The following MAN2B2 variants were observed in gnomAD, a reference collection of about 807,000 sequenced individuals.
MAN2B2 encodes mannosidase alpha class 2B member 2.
MAN2B2 carries 106 observed loss-of-function variants against 117.1 expected under a neutral mutation model. That is an observed-to-expected ratio of 0.90 (90% CI 0.77 to 1.06). MAN2B2 has a LOEUF of 1.06. Among genes scored for constraint, MAN2B2 ranks in the 50% least tolerant of loss-of-function variants. The pLI, the probability that MAN2B2 is intolerant of heterozygous loss-of-function variation, is 0.00. For synonymous variants in MAN2B2, 544 were observed against 595.1 expected, an observed-to-expected ratio of 0.91 and a Z score of 1.25; for missense variants, 1,326 against 1,381.4, an observed-to-expected ratio of 0.96 and a Z score of 0.64.
In MAN2B2 at chr4:6,604,422, G is replaced by A. The variant is rs540194107; in HGVS notation, c.1540-633G>A. 1.5e-3 allele frequency among the ~76,000 whole-genome samples: 231 copies of A among 151,666 alleles called. 2 individuals carry two copies. The highest frequency in any genetic ancestry group is 4.6e-3 in the African/African-American group (189 of 41,280). On this transcript the variant is annotated intron_variant, in intron 10 of 18. Coordinates refer to ENST00000285599, the MANE Select transcript of MAN2B2 (RefSeq NM_015274.3). ...GGGAGATGAAAGGCCTCAAGAAGGC[G>A]GTGGGGGGCCTTGGTGGTGGGTGGG... is the stretch of plus-strand genomic sequence containing the variant.
chr4:6,594,818 G>A (rs1300333666), intron 7 of MAN2B2, 86 bp downstream of exon 7: 21 of 1,398,086 alleles, frequency 1.5e-5, no homozygotes, highest in African/African-American at 7.1e-5. Flanking sequence ...GTGGCTGCTC[G>A]GCACTGCTCT....
chr4:6,583,987 C>T (rs375683086), intron 3 of MAN2B2, among the ~76,000 whole-genome samples: 3 of 152,334 alleles, frequency 2.0e-5, no homozygotes, highest in East Asian at 3.9e-4. Flanking sequence ...GCCATTTTGT[C>T]TCTTAATGCA....
At chr4:6,594,403 G>C (rs1280082057) in intron 6 of MAN2B2, 131 bp from the exon 7 acceptor site, 1 of 762,110 alleles carries the variant, frequency 1.3e-6, no homozygotes, top group Non-Finnish European at 2.2e-6. Context: ...TGCTATGGGA[G>C]CTGGTTTGGG....
rs756133404 is a variant in MAN2B2 at position 6,597,138 on chromosome 4, C to G, written c.1083C>G (p.Phe361Leu). Residue 361 changes from phenylalanine to leucine, a missense_variant, in exon 8 of 19, where the codon TTC (phenylalanine) becomes TTG (leucine). Phe to Leu is a conservative substitution (Grantham distance 22). Coordinates refer to ENST00000285599, the MANE Select transcript of MAN2B2 (RefSeq NM_015274.3). ...AACCATTCCAGGCCTGGACGGGCTT[C>G]TACACGTCCCGCAGCTCACTGAAGG... ...STEPFQAWTGFYTSRSSLKGL... is the reference protein window; with the variant it reads ...STEPFQAWTGLYTSRSSLKGL... 2 of 1,613,366 alleles carry G rather than the reference C, an allele frequency of 1.2e-6. No individual in the cohort carries two copies. The highest frequency in any genetic ancestry group is 1.7e-5 in the Admixed American group (1 of 59,958).
intron 3 of MAN2B2, among the ~76,000 whole-genome samples, chr4:6,582,580 T>C (rs986850692): frequency 2.0e-5 from 3 of 151,746 alleles, no homozygotes; most frequent in African/African-American, 7.3e-5. Context: ...CCTCAAGTGA[T>C]CCGCCCACCT....
intron 11 of MAN2B2, among the ~76,000 whole-genome samples, chr4:6,605,600 T>C (rs1335152238): frequency 2.0e-5 from 3 of 151,532 alleles, no homozygotes; most frequent in Non-Finnish European, 4.4e-5. Flanking sequence ...AAATTACCAC[T>C]TTTTTTTTAA....
intron 2 of MAN2B2, among the ~76,000 whole-genome samples, chr4:6,577,593 A>G (rs1726115153): frequency 6.6e-6 from 1 of 152,230 alleles, no homozygotes; most frequent in Admixed American, 6.5e-5. Flanking sequence ...CAGAGAGGGC[A>G]CGCCACTGGC....
chr4:6,603,137 G>A (rs1040201329), intron 10 of MAN2B2, among the ~76,000 whole-genome samples: 1 of 152,192 alleles, frequency 6.6e-6, no homozygotes, highest in African/African-American at 2.4e-5. Flanking sequence ...TCTTAAAGGG[G>A]TGCTTTAATG....
rs552265383 is a variant in MAN2B2 at position 6,623,339 on chromosome 4, T to C, written c.*2054T>C. On this transcript the variant is annotated 3_prime_UTR_variant, in exon 19 of 19. Transcript: ENST00000285599. ...CCAGCCTGGGTGACAAGAGTGAGAC[T>C]CCGTCTCAAAAAAAAAAAAAAAAGG... 3.3e-5 allele frequency: 2 copies of C among 60,424 alleles called. No individual in the cohort carries two copies. The highest frequency in any genetic ancestry group is 4.8e-4 in the East Asian group (1 of 2,084). 3.7% of individuals were successfully genotyped at this position (60,424 alleles called of 1,614,324 possible).
In MAN2B2 at chr4:6,605,109, A is replaced by G. The variant is rs1392830940; in HGVS notation, c.1594A>G (p.Ile532Val). ...SAYDLLILTT[I>V]PGLSYRHYNI... ...GTATGACCTGCTTATTCTGACCACA[A>G]TCCCAGGCCTCAGTTACCGGCACTA... Residue 532 changes from isoleucine (I) to valine (V), a missense_variant, in exon 11 of 19, where the codon ATC becomes GTC. Ile to Val is a conservative substitution (Grantham distance 29). Coordinates refer to ENST00000285599, the MANE Select transcript of MAN2B2 (RefSeq NM_015274.3). The G allele has an allele frequency of 1.9e-6, 3 of 1,614,050 alleles. No homozygotes were observed. The South Asian group carries it at 3.3e-5, about 18-fold the overall frequency.
chr4:6,608,043 G>A (rs1412871703), intron 11 of MAN2B2, among the ~76,000 whole-genome samples: 1 of 152,212 alleles, frequency 6.6e-6, no homozygotes, highest in Non-Finnish European at 1.5e-5. Context: ...GTGGTGAGAT[G>A]TGTCTTTAGA....
chr4:6,580,786 T>C (rs56380344), intron 3 of MAN2B2, among the ~76,000 whole-genome samples: 2,895 of 152,276 alleles, frequency 0.019, 91 homozygotes, highest in African/African-American at 0.066. Context: ...GGCGCTGAAC[T>C]GCCCTGCCCT....
intron 10 of MAN2B2, among the ~76,000 whole-genome samples, chr4:6,604,580 A>T (rs1350907663): frequency 6.6e-6 from 1 of 151,930 alleles, no homozygotes; most frequent in Non-Finnish European, 1.5e-5. Context: ...AGGTGCTGGA[A>T]GGGCCATCGT....
At chr4:6,585,399 G>C (rs765149394) in intron 3 of MAN2B2, among the ~76,000 whole-genome samples, 1 of 152,208 alleles carries the variant, frequency 6.6e-6, no homozygotes, top group Non-Finnish European at 1.5e-5. Context: ...ATCTCTCAAG[G>C]TGTTAGAAAG....
At chr4:6,592,277 C>A (rs1726888424) in intron 5 of MAN2B2, among the ~76,000 whole-genome samples, 1 of 152,176 alleles carries the variant, frequency 6.6e-6, no homozygotes, top group Non-Finnish European at 1.5e-5. Flanking sequence ...AAATGACTTT[C>A]ATTTAATCCT....
In MAN2B2 at chr4:6,609,876, G is replaced by A. The variant is rs1300029497; in HGVS notation, c.2085G>A (p.Leu695=). 1 of 1,614,008 alleles carries A rather than the reference G, an allele frequency of 6.2e-7. No homozygotes were observed. The highest frequency in any genetic ancestry group is 8.5e-7 in the Non-Finnish European group (1 of 1,180,032). The change falls in exon 13 of 19, where the codon CTG becomes CTA. Residue 695 remains leucine (L), a synonymous_variant. Transcript: ENST00000285599. ...TGCCGCAGGGCCATGACGGGGAGCT[G>A]CTCTGCCACCGGATAGAGCAGGAGT... The part of the protein sequence containing the change: ...THVPQGHDGE[L]LCHRIEQEYQ...
intron 11 of MAN2B2, among the ~76,000 whole-genome samples, chr4:6,605,916 CA>C (rs1727527762): frequency 4.5e-5 from 2 of 44,308 alleles, no homozygotes; most frequent in East Asian, 2.6e-3. Flanking sequence ...ACCACCCATT[CA>C]TTCATTCATT....
Position 6,610,045 on chromosome 4 carries a change from GC to G in MAN2B2, c.2257del (p.Arg753GlyfsTer59). The stretch of plus-strand genomic sequence containing the variant: ...CGTTTCCTATGTGAACAACAGCATC[GC>G]CCGGGTATGTCCTGCAATGCCCACA... ...PYVSYVNNSI[A>X]RNYYPMVQSA... On this transcript the variant is annotated frameshift_variant, in exon 13 of 19. Transcript: ENST00000285599. LOFTEE classifies it high-confidence loss of function. The G allele has an allele frequency of 6.2e-7, 1 of 1,613,978 alleles. No homozygotes were observed. Among genetic ancestry groups the G allele is most frequent in the East Asian group, 2.2e-5 (1 of 44,870 alleles).
chr4:6,618,491 G>A (rs751601922), intron 17 of MAN2B2: 3 of 152,258 alleles, frequency 2.0e-5, no homozygotes, highest in Non-Finnish European at 2.9e-5. Context: ...GGGGAGAGGT[G>A]AGAGTTCTTT....
Sources: gnomAD v4.1 joint callset for allele counts (sites outside exome capture counted in the v4.1 genomes callset) on GRCh38, gnomAD v4.1.1 for gene constraint, MANE v1.5 for transcripts, NCBI Gene and HGNC (gene_info 2026-07-23, HGNC 2026-07-21) for gene names.